The following TBC1D4 variants were observed in gnomAD, a reference collection of about 807,000 sequenced individuals.
TBC1D4 encodes TBC1 domain family member 4, also known as TBC (Tre-2, BUB2, CDC16) domain-containing protein.
In TBC1D4, 121 loss-of-function variants were observed where a neutral mutation model predicts 142.5. The ratio of observed to expected loss-of-function variants is 0.85; its 90% CI spans 0.73 to 0.99. The LOEUF (loss-of-function observed/expected upper bound fraction) is 0.99, where lower values mean the gene tolerates loss of function less well. Among genes scored for constraint, TBC1D4 ranks in the 50% least tolerant of loss-of-function variants. The pLI is 0.00. For synonymous variants in TBC1D4, 630 were observed against 628.2 expected (o/e 1.00, Z -0.04); for missense variants, 1,475 against 1,606.6 (o/e 0.92, Z 1.40).
chr13:75,288,325 G>A (rs1156392716), intron 20 of TBC1D4, among the ~76,000 whole-genome samples: 3 of 152,014 alleles, frequency 2.0e-5, no homozygotes, highest in African/African-American at 4.8e-5. Flanking sequence ...ATCTGTCCTC[G>A]TCAAGGTTCC....
In TBC1D4 at chr13:75,481,505, G is replaced by A. The variant is rs1352266807; in HGVS notation, c.263C>T (p.Ala88Val). The A allele has an allele frequency of 1.2e-6, 2 of 1,611,826 alleles. No individual in the cohort carries two copies. Among genetic ancestry groups the A allele is most frequent in the African/African-American group, 1.3e-5 (1 of 74,736 alleles). Residue 88 changes from alanine (A) to valine (V), a missense_variant, in exon 1 of 21, where the codon GCG (alanine) becomes GTG (valine). Transcript: ENST00000377636. ...CGCGGGGACGCAACGCAGGAAGGGC[G>A]CGCTGAGCACCAGGATCACCTCTCG... ...AAREVILVLS[A>V]PFLRCVPAPG...
chr13:75,439,686 C>A (rs1015663872), intron 1 of TBC1D4, among the ~76,000 whole-genome samples: 17 of 151,980 alleles, frequency 1.1e-4, no homozygotes, highest in Admixed American at 3.3e-4. Context: ...CACTCTGTCA[C>A]CCAGGCTGGA....
intron 1 of TBC1D4, among the ~76,000 whole-genome samples, chr13:75,363,959 T>C (rs929071648): frequency 7.9e-5 from 12 of 152,216 alleles, no homozygotes; most frequent in Non-Finnish European, 1.6e-4. Flanking sequence ...TCTGAGAACA[T>C]GTGCCCAAGG....
In TBC1D4 at chr13:75,306,390, GTTA is replaced by G. The variant is rs1342213539; in HGVS notation, c.2672_2674del (p.Ile891del). The G allele has an allele frequency of 9.3e-6, 15 of 1,613,304 alleles. No homozygotes were observed. Among genetic ancestry groups the G allele is most frequent in the Non-Finnish European group, 1.2e-5 (14 of 1,179,846 alleles). ...GCAGTTTAACAACTTCTTATCCCAA[GTTA>G]TTAAGACCTCTTTCTGACATGCACC... On this transcript the variant is annotated inframe_deletion, in exon 15 of 21. Transcript: ENST00000377636.
chr13:75,421,474 A>C (rs1406883854), intron 1 of TBC1D4, among the ~76,000 whole-genome samples: 1 of 152,202 alleles, frequency 6.6e-6, no homozygotes, highest in Non-Finnish European at 1.5e-5. Flanking sequence ...TTTGCTGGGA[A>C]ACTGTTACTA....
rs770808146 is a variant in TBC1D4, at chr13:75,481,386, G to A, written c.382C>T (p.Arg128Cys). Residue 128 changes from arginine to cysteine, a missense_variant, in exon 1 of 21, where the codon CGC becomes TGC. This residue lies in a region of TBC1D4 where 1,227 missense variants were observed against 1,267.7 expected (regional missense o/e 0.97). Coordinates refer to ENST00000377636, the MANE Select transcript of TBC1D4 (RefSeq NM_014832.5). ...AGGTCGTGGCTGTTGTGGATGAAGC[G>A]CGAGATATGCTGCGCCTTGTGCTCG... is the stretch of plus-strand genomic sequence containing the variant. ...IFEHKAQHIS[R>C]FIHNSHDLTY... The A allele has an allele frequency of 9.9e-6, 16 of 1,613,822 alleles. No individual in the cohort carries two copies. Among genetic ancestry groups the A allele is most frequent in the Admixed American group, 8.3e-5 (5 of 60,006 alleles).
chr13:75,380,693 T>C (rs1171129245), intron 1 of TBC1D4, among the ~76,000 whole-genome samples: 1 of 152,114 alleles, frequency 6.6e-6, no homozygotes, highest in East Asian at 1.9e-4. Context: ...ATTCACACCT[T>C]CTTATTCTTT....
chr13:75,287,043 A>G lies in TBC1D4; in HGVS notation c.3664-18T>C, dbSNP rs775233219. On this transcript the variant is annotated intron_variant, in intron 20 of 20. Coordinates refer to ENST00000377636, the MANE Select transcript of TBC1D4 (RefSeq NM_014832.5). ...TGAGCTACCTGTTTGGGGGGGAAAAAATCCTCCAAATCAAATGATTCATTA... is the reference window on the plus strand; with the variant it reads ...TGAGCTACCTGTTTGGGGGGGAAAAGATCCTCCAAATCAAATGATTCATTA... 1.9e-6 allele frequency: 3 copies of G among 1,596,320 alleles called. No homozygotes were observed. The highest frequency in any genetic ancestry group is 1.7e-6 in the Non-Finnish European group (2 of 1,164,278).
chr13:75,304,413 T>G (rs1429683643), intron 15 of TBC1D4, among the ~76,000 whole-genome samples: 1 of 152,184 alleles, frequency 6.6e-6, no homozygotes, highest in Non-Finnish European at 1.5e-5. Flanking sequence ...CATTCATTCA[T>G]TCATCCATTC....
chr13:75,292,287 T>A lies in TBC1D4; in HGVS notation c.3317-16A>T, dbSNP rs569759016. 2 of 1,601,788 alleles carry A rather than the reference T, an allele frequency of 1.2e-6. No homozygotes were observed. The highest frequency in any genetic ancestry group is 2.2e-5 in the South Asian group (2 of 90,088). On this transcript the variant is annotated splice_polypyrimidine_tract_variant and intron_variant, in intron 18 of 20. Transcript: ENST00000377636. ...AAAATAATATCTAAAAGAAGAGATA[T>A]AATTTTCATGATCAAAACTATGCAT...
In TBC1D4 at chr13:75,294,866, C is replaced by T; in HGVS notation, c.3304G>A (p.Ala1102Thr). Residue 1102 changes from alanine to threonine, a missense_variant, in exon 18 of 21, where the codon GCC (alanine) becomes ACC (threonine). By Grantham distance (58) the Ala-to-Thr change is moderately conservative. Transcript: ENST00000377636. The stretch of plus-strand genomic sequence containing the variant: ...AGGTATCTCTTACCAAAAACTCTGG[C>T]TACAAATCCTAATGAAAACTGAGAG... ...FASQFSLGFV[A>T]RVFDIIFLQG... 2 of 1,613,792 alleles carry T rather than the reference C, an allele frequency of 1.2e-6. No individual in the cohort carries two copies. The highest frequency in any genetic ancestry group is 1.7e-6 in the Non-Finnish European group (2 of 1,179,806).
intron 1 of TBC1D4, among the ~76,000 whole-genome samples, chr13:75,419,072 CACAA>C (rs1886048538): frequency 6.6e-6 from 1 of 152,120 alleles, no homozygotes; most frequent in African/African-American, 2.4e-5. Context: ...CTTTCACACA[CACAA>C]ACACACACAC....
At chr13:75,323,958 C>T (rs1461553154) in intron 11 of TBC1D4, among the ~76,000 whole-genome samples, 4 of 151,946 alleles carry the variant, frequency 2.6e-5, no homozygotes, top group Non-Finnish European at 4.4e-5. Context: ...CAATACAAAG[C>T]TTAGACTCTG....
chr13:75,289,147 G>A (rs772700847), intron 19 of TBC1D4, 37 bp from the exon 20 acceptor site: 19 of 1,609,770 alleles, frequency 1.2e-5, no homozygotes, highest in Non-Finnish European at 1.6e-5. Flanking sequence ...CTAGCCTTTG[G>A]TATGTATAAC....
At chr13:75,331,976 T>C (rs938347512) in intron 8 of TBC1D4, among the ~76,000 whole-genome samples, 2 of 152,168 alleles carry the variant, frequency 1.3e-5, no homozygotes, top group African/African-American at 4.8e-5. Flanking sequence ...AGCAAGACCT[T>C]GTTAGGTCGC....
intron 1 of TBC1D4, among the ~76,000 whole-genome samples, chr13:75,409,769 T>C (rs1161701983): frequency 6.6e-6 from 1 of 152,360 alleles, no homozygotes; most frequent in Non-Finnish European, 1.5e-5. Context: ...AGCTTCTCTT[T>C]AGACATGTAT....
intron 8 of TBC1D4, among the ~76,000 whole-genome samples, chr13:75,328,585 T>C (rs762648010): frequency 3.3e-5 from 5 of 152,096 alleles, no homozygotes; most frequent in Non-Finnish European, 5.9e-5. Context: ...ACAAGTCAGG[T>C]TGGGAACCTC....
chr13:75,444,164 G>A (rs548009704), intron 1 of TBC1D4, among the ~76,000 whole-genome samples: 4 of 152,216 alleles, frequency 2.6e-5, no homozygotes, highest in Non-Finnish European at 2.9e-5. Context: ...GTTCTGTTGC[G>A]AAAGCGGAGC....
At chr13:75,437,262 T>C (rs752106983) in intron 1 of TBC1D4, among the ~76,000 whole-genome samples, 5 of 152,190 alleles carry the variant, frequency 3.3e-5, no homozygotes, top group Non-Finnish European at 4.4e-5. Context: ...GGTTATCTAA[T>C]GGTGTCCTTG....
Sources: allele counts gnomAD v4.1 joint callset (sites outside exome capture counted in the v4.1 genomes callset), GRCh38; gene constraint gnomAD v4.1.1; regional missense constraint gnomAD v4.1.1; transcripts MANE v1.5; gene names NCBI Gene and HGNC (gene_info 2026-07-23, HGNC 2026-07-21).